Variants in ST7L observed in about 807,000 individuals in gnomAD.
ST7L encodes the protein suppression of tumorigenicity 7 like.
In ST7L, 57 loss-of-function variants were observed where a neutral mutation model predicts 72.5. The ratio of observed to expected loss-of-function variants is 0.79; its 90% CI spans 0.64 to 0.98. ST7L has a LOEUF of 0.98. Ranked by LOEUF, ST7L falls within the 50% of genes least tolerant of loss-of-function variation. The pLI, the probability that ST7L is intolerant of heterozygous loss-of-function variation, is 0.00. For missense variants in ST7L, 576 were observed against 672.2 expected (o/e 0.86, Z 1.58); for synonymous variants, 221 against 240.9 (o/e 0.92, Z 0.77).
chr1:112,530,746 G>C (rs1654261722), intron 14 of ST7L, among the ~76,000 whole-genome samples: 1 of 152,034 alleles, frequency 6.6e-6, no homozygotes, highest in South Asian at 2.1e-4. Context: ...ATATCCCAAA[G>C]TCATATCCCC....
At chr1:112,547,193 C>CT (rs759140130) in intron 13 of ST7L, among the ~76,000 whole-genome samples, 6,760 of 137,436 alleles carry the variant, frequency 0.049, 415 homozygotes, top group African/African-American at 0.14. Flanking sequence ...TTCTTTCTTT[C>CT]TTTTTTTTTT....
intron 9 of ST7L, among the ~76,000 whole-genome samples, chr1:112,580,597 C>G (rs2101863878): frequency 6.6e-6 from 1 of 152,294 alleles, no homozygotes; most frequent in Middle Eastern, 3.4e-3. Flanking sequence ...CTCCAAACTT[C>G]ATGTGTGGTA....
intron 5 of ST7L, among the ~76,000 whole-genome samples, chr1:112,595,757 A>G (rs1571225628): frequency 6.6e-6 from 1 of 152,274 alleles, no homozygotes; most frequent in East Asian, 1.9e-4. Flanking sequence ...TGGGTATTAA[A>G]TCATTTGATT....
At chr1:112,549,934 AT>A (rs972924918) in intron 13 of ST7L, among the ~76,000 whole-genome samples, 1 of 152,002 alleles carries the variant, frequency 6.6e-6, no homozygotes, top group Non-Finnish European at 1.5e-5. Context: ...TTTTTCAGGG[AT>A]TTTTTTTAAA....
intron 7 of ST7L, among the ~76,000 whole-genome samples, chr1:112,583,303 C>T (rs1664397892): frequency 6.6e-6 from 1 of 152,082 alleles, no homozygotes; most frequent in African/African-American, 2.4e-5. Context: ...GAAACTAAAA[C>T]CCTCTGGCCA....
rs571101156 is a variant in ST7L, at chr1:112,539,582, G to A, written c.1629+2369C>T. ...GAGGCAGGAAAACTGCTTGAACCTA[G>A]AAGGCGGAGGTTGCAGTGAGCTGAG... On this transcript the variant is annotated intron_variant, in intron 14 of 14. Coordinates refer to ENST00000358039, the MANE Select transcript of ST7L (RefSeq NM_017744.5). The A allele has an allele frequency of 1.8e-4, 99 of 553,860 alleles. 1 individual carries two copies. In the South Asian group the frequency reaches 7.1e-3, roughly 40 times the overall value. The allele number at this position is 553,860 out of a possible 1,614,324, so 34.3% of individuals were successfully genotyped here. A position where few individuals can be genotyped will look rare whatever the true frequency, so the allele number is the denominator to read the frequency against.
intron 6 of ST7L, 21 bp from the exon 7 acceptor site, chr1:112,584,147 C>G (rs1558019227): frequency 1.2e-6 from 2 of 1,601,780 alleles, no homozygotes; most frequent in Non-Finnish European, 1.7e-6. Context: ...AGCAAGAAGG[C>G]AATTTTAAAT....
intron 9 of ST7L, among the ~76,000 whole-genome samples, chr1:112,581,757 TA>T (rs953069166): frequency 5.1e-4 from 77 of 152,232 alleles, no homozygotes; most frequent in African/African-American, 1.8e-3. Flanking sequence ...TCACTCATAT[TA>T]GAAACAAGCA....
At chr1:112,568,030 G>A (rs1052525382) in intron 11 of ST7L, among the ~76,000 whole-genome samples, 1 of 152,070 alleles carries the variant, frequency 6.6e-6, no homozygotes, top group African/African-American at 2.4e-5. Context: ...GGGATCTAAC[G>A]TTTACAATTT....
In ST7L at chr1:112,533,351, G is replaced by A. The variant is rs148035131; in HGVS notation, c.1630-7240C>T. On this transcript the variant is annotated intron_variant, in intron 14 of 14. Transcript: ENST00000358039. ...ATTTTTTTTTTTGAGATGGAGTCTC[G>A]CTCTGTTGCCAGGCTGGAGTGCAGT... 7.5e-3 allele frequency among the ~76,000 whole-genome samples: 1,138 copies of A among 151,632 alleles called. 6 individuals carry two copies. The highest frequency in any genetic ancestry group is 0.012 in the Non-Finnish European group (812 of 67,904).
intron 6 of ST7L, among the ~76,000 whole-genome samples, chr1:112,590,477 T>A (rs1438056093): frequency 6.6e-6 from 1 of 152,226 alleles, no homozygotes. Flanking sequence ...TGGCATTCTT[T>A]ACTCTGCCAT....
chr1:112,559,207 T>C (rs539059680), intron 11 of ST7L, among the ~76,000 whole-genome samples: 176 of 152,330 alleles, frequency 1.2e-3, no homozygotes, highest in Non-Finnish European at 1.8e-3. Context: ...GTAAAGCTTA[T>C]ATTACAAAAA....
intron 11 of ST7L, among the ~76,000 whole-genome samples, chr1:112,561,091 A>G (rs987480360): frequency 1.3e-5 from 2 of 152,098 alleles, no homozygotes; most frequent in Non-Finnish European, 2.9e-5. Context: ...GAAAACTAAA[A>G]CCAAATACAA....
chr1:112,547,263 G>T (rs1657242839), intron 13 of ST7L, among the ~76,000 whole-genome samples: 1 of 150,842 alleles, frequency 6.6e-6, no homozygotes, highest in African/African-American at 2.4e-5. Context: ...CACGATCTCG[G>T]CTCACTGCAA....
intron 13 of ST7L, among the ~76,000 whole-genome samples, chr1:112,546,336 A>G (rs1657066320): frequency 6.9e-6 from 1 of 145,524 alleles, no homozygotes; most frequent in Non-Finnish European, 1.5e-5. Flanking sequence ...AAAAAAAAAA[A>G]GAGAGAAAAG....
rs1325227116 is a variant in ST7L, at chr1:112,610,859, T to TG, written c.432dup (p.Ser145GlnfsTer9). 3 of 1,614,058 alleles carry TG rather than the reference T, an allele frequency of 1.9e-6. No homozygotes were observed. The highest frequency in any genetic ancestry group is 1.7e-6 in the Non-Finnish European group (2 of 1,179,988). Reference sequence around the variant, plus strand: ...TAGTCACCTGACAAATTCTGTCTGCTGGTTTCATTTTCTCTGTTCCTCGAA... The same window carrying TG: ...TAGTCACCTGACAAATTCTGTCTGCTGGGTTTCATTTTCTCTGTTCCTCGAA... On this transcript the variant is annotated frameshift_variant, in exon 3 of 15. Transcript: ENST00000358039. LOFTEE classifies it high-confidence loss of function.
intron 14 of ST7L, among the ~76,000 whole-genome samples, chr1:112,535,039 T>C (rs1654955627): frequency 6.6e-6 from 1 of 152,112 alleles, no homozygotes; most frequent in South Asian, 2.1e-4. Flanking sequence ...ACTTTAAAAC[T>C]GAATTAAACC....
At chr1:112,535,587 C>G (rs1022795528) in intron 14 of ST7L, among the ~76,000 whole-genome samples, 1 of 151,098 alleles carries the variant, frequency 6.6e-6, no homozygotes, top group Non-Finnish European at 1.5e-5. Context: ...TAAAAATTAG[C>G]CTAGCATGGA....
chr1:112,602,062 C>T lies in ST7L; in HGVS notation c.452-1214G>A, dbSNP rs542769183. Among the ~76,000 whole-genome samples the T allele has an allele frequency of 4.6e-5, 6 of 129,904 alleles. No homozygotes were observed. In the Admixed American group the frequency reaches 4.7e-4, roughly 10 times the overall value. 85.2% of individuals were successfully genotyped at this position (129,904 alleles called of 152,430 possible). A position where few individuals can be genotyped will look rare whatever the true frequency, so the allele number is the denominator to read the frequency against. On this transcript the variant is annotated intron_variant, in intron 3 of 14. Transcript: ENST00000358039. ...TCGCACCATTGCATTCCAGCCTGGG[C>T]GACAAGAGCAAAACTCCATCCAAAA...
Sources: allele counts gnomAD v4.1 joint callset (sites outside exome capture counted in the v4.1 genomes callset), GRCh38; gene constraint gnomAD v4.1.1; transcripts MANE v1.5; gene names NCBI Gene and HGNC (gene_info 2026-07-23, HGNC 2026-07-21).